Variants in PTPRD observed in about 807,000 individuals in gnomAD.
PTPRD encodes the protein receptor-type tyrosine-protein phosphatase delta.
Under a neutral mutation model 214.5 loss-of-function variants are expected in PTPRD, and 34 were observed. The ratio of observed to expected loss-of-function variants is 0.16; its 90% CI spans 0.12 to 0.21. PTPRD has a LOEUF of 0.21. Among genes scored for constraint, PTPRD ranks in the 10% least tolerant of loss-of-function variants. The probability of loss-of-function intolerance (pLI) is 1.00; values close to 1 mark genes in which losing one functional copy is unlikely to be tolerated. For synonymous variants in PTPRD, 1,128 were observed against 845.7 expected, an observed-to-expected ratio of 1.33 and a Z score of -5.79; for missense variants, 2,545 against 2,398.7, an observed-to-expected ratio of 1.06 and a Z score of -1.27.
intron 7 of PTPRD, among the ~76,000 whole-genome samples, chr9:9,644,540 A>C (rs1334462634): frequency 3.3e-5 from 5 of 152,228 alleles, no homozygotes; most frequent in African/African-American, 1.2e-4. Context: ...TAACAAATAC[A>C]GCTTTCTTTG....
At chr9:9,281,504 A>T (rs1947685722) in intron 9 of PTPRD, among the ~76,000 whole-genome samples, 1 of 151,410 alleles carries the variant, frequency 6.6e-6, no homozygotes, top group South Asian at 2.1e-4. Context: ...ATCTTTTAAC[A>T]TCATAGGTCC....
At chr9:10,212,797 AC>A (rs1351501221) in intron 3 of PTPRD, among the ~76,000 whole-genome samples, 2 of 152,130 alleles carry the variant, frequency 1.3e-5, no homozygotes, top group Admixed American at 6.6e-5. Context: ...ACAAGGTTTC[AC>A]CCACAGAATC....
chr9:9,311,862 T>C (rs74354070), intron 9 of PTPRD, among the ~76,000 whole-genome samples: 2,427 of 152,292 alleles, frequency 0.016, 58 homozygotes, highest in African/African-American at 0.056. Flanking sequence ...AAATAGAATG[T>C]TTAAAGCAAT....
At chr9:10,001,186 G>T (rs1028828749) in intron 4 of PTPRD, among the ~76,000 whole-genome samples, 1 of 151,942 alleles carries the variant, frequency 6.6e-6, no homozygotes, top group African/African-American at 2.4e-5. Context: ...TGTTCCTCCA[G>T]TCACCGGATC....
In PTPRD at chr9:8,894,214, G is replaced by A. The variant is rs10977338; in HGVS notation, c.-104+124483C>T. Reference sequence around the variant, plus strand: ...ACTAAAAATACAAAAAAATAGCCAGGTGTGGTAATGCGTGCCTGTAATCCC... The same window carrying A: ...ACTAAAAATACAAAAAAATAGCCAGATGTGGTAATGCGTGCCTGTAATCCC... On this transcript the variant is annotated intron_variant, in intron 11 of 45. Transcript: ENST00000381196. 3.3e-5 allele frequency among the ~76,000 whole-genome samples: 5 copies of A among 152,004 alleles called. No homozygotes were observed. In the East Asian group the frequency reaches 9.7e-4, roughly 30 times the overall value.
At chr9:9,066,852 C>T (rs2099735362) in intron 10 of PTPRD, among the ~76,000 whole-genome samples, 4 of 152,172 alleles carry the variant, frequency 2.6e-5, no homozygotes, top group Admixed American at 2.6e-4. Flanking sequence ...GACCCAGTGA[C>T]TCTGATTTTG....
chr9:9,013,434 A>C (rs957000521), intron 11 of PTPRD, among the ~76,000 whole-genome samples: 4 of 152,144 alleles, frequency 2.6e-5, no homozygotes, highest in Non-Finnish European at 4.4e-5. Flanking sequence ...TCAAATATGG[A>C]AGGAACCTTA....
intron 35 of PTPRD, among the ~76,000 whole-genome samples, chr9:8,429,157 T>C (rs1454804449): frequency 1.3e-5 from 2 of 152,250 alleles, no homozygotes; most frequent in Non-Finnish European, 2.9e-5. Flanking sequence ...TATTTTGATC[T>C]AGTTTGATAC....
At chr9:9,992,009 G>A (rs1364694413) in intron 4 of PTPRD, among the ~76,000 whole-genome samples, 1 of 152,176 alleles carries the variant, frequency 6.6e-6, no homozygotes, top group African/African-American at 2.4e-5. Context: ...AATGAAAGGA[G>A]TCAGTCATTA....
intron 8 of PTPRD, among the ~76,000 whole-genome samples, chr9:9,568,883 G>C (rs2085439263): frequency 6.6e-6 from 1 of 151,758 alleles, no homozygotes; most frequent in African/African-American, 2.4e-5. Context: ...ATGGGTCCCT[G>C]TTAGCTGACT....
At chr9:9,171,629 T>C (rs907670941) in intron 10 of PTPRD, among the ~76,000 whole-genome samples, 1 of 151,932 alleles carries the variant, frequency 6.6e-6, no homozygotes, top group Non-Finnish European at 1.5e-5. Context: ...ATTAGAATTC[T>C]ATGGGCGTAT....
chr9:8,370,424 T>A (rs1271746402), intron 39 of PTPRD, among the ~76,000 whole-genome samples: 8 of 152,112 alleles, frequency 5.3e-5, no homozygotes, highest in African/African-American at 1.7e-4. Flanking sequence ...TGTATGACCT[T>A]GAACAAATCA....
intron 2 of PTPRD, among the ~76,000 whole-genome samples, chr9:10,479,750 G>A (rs1489858257): frequency 1.3e-5 from 2 of 151,980 alleles, no homozygotes; most frequent in East Asian, 1.9e-4. Flanking sequence ...TGAGCCCAGG[G>A]TTCCAGGCTG....
At chr9:9,526,483 C>T (rs984349840) in intron 8 of PTPRD, among the ~76,000 whole-genome samples, 9 of 152,098 alleles carry the variant, frequency 5.9e-5, no homozygotes, top group Admixed American at 3.9e-4. Flanking sequence ...AAAATTACTA[C>T]GAGTCTATGT....
intron 12 of PTPRD, among the ~76,000 whole-genome samples, chr9:8,647,944 C>T: frequency 6.6e-6 from 1 of 152,232 alleles, no homozygotes. Context: ...CATACCCATT[C>T]CTCCATTCCA....
At chr9:9,005,140 T>C (rs2099454851) in intron 11 of PTPRD, among the ~76,000 whole-genome samples, 1 of 152,014 alleles carries the variant, frequency 6.6e-6, no homozygotes. Flanking sequence ...CTGGTAGAAA[T>C]GGAAGCAAGC....
At chr9:10,233,744 A>G (rs921516552) in intron 3 of PTPRD, among the ~76,000 whole-genome samples, 17 of 152,030 alleles carry the variant, frequency 1.1e-4, no homozygotes, top group Non-Finnish European at 2.1e-4. Context: ...ATAAATTTTC[A>G]TATTCAGCTT....
chr9:8,522,426 T>A (rs148987466), intron 19 of PTPRD, among the ~76,000 whole-genome samples: 1 of 152,132 alleles, frequency 6.6e-6, no homozygotes, highest in Non-Finnish European at 1.5e-5. Context: ...AAGGTAAGGA[T>A]TGCAAATTCA....
chr9:8,584,087 G>C (rs975125569), intron 14 of PTPRD, among the ~76,000 whole-genome samples: 2 of 152,132 alleles, frequency 1.3e-5, no homozygotes, highest in Admixed American at 6.6e-5. Flanking sequence ...CTGGTAGTTC[G>C]AGGCTGTAGT....
Sources: allele counts gnomAD v4.1 joint callset (sites outside exome capture counted in the v4.1 genomes callset), GRCh38; gene constraint gnomAD v4.1.1; transcripts MANE v1.5; gene names NCBI Gene and HGNC (gene_info 2026-07-23, HGNC 2026-07-21).